Variants in NCBP3 observed in about 807,000 individuals in gnomAD.
The protein encoded by NCBP3 is nuclear cap-binding protein subunit 3.
A neutral mutation model predicts 75.7 loss-of-function variants in NCBP3; 20 were observed. The observed-to-expected ratio is 0.26, with a 90% CI of 0.19 to 0.38. The LOEUF (loss-of-function observed/expected upper bound fraction) is 0.38, where lower values mean the gene tolerates loss of function less well. Among genes scored for constraint, NCBP3 ranks in the 10% least tolerant of loss-of-function variants. The pLI is 1.00. For synonymous variants in NCBP3, 293 were observed against 290.5 expected (o/e 1.01, Z -0.09); for missense variants, 678 against 796.9 (o/e 0.85, Z 1.80).
chr17:3,817,314 TGATTAAAACCCTTCTGG>T (rs1483381230), intron 10 of NCBP3, among the ~76,000 whole-genome samples: 4 of 152,062 alleles, frequency 2.6e-5, no homozygotes, highest in East Asian at 1.9e-4. Flanking sequence ...GTAATGTGAG[TGATTAAAACCCTTCTGG>T]GATTAAAACC....
Position 3,818,359 on chromosome 17 carries a change from T to C in NCBP3, c.1214A>G (p.Asp405Gly), listed in dbSNP as rs2053589473. ...CGTGGAAATCATTTTCAGTTCTAGA[T>C]CATAGTCCATTTCATCTGAGTCTGA... ...SSSDSDEMDY[D>G]LELKMISTPS... is the part of the protein sequence containing the mutation. Residue 405 changes from aspartate (D) to glycine (G), a missense_variant, in exon 10 of 13, where the codon GAT becomes GGT. Physicochemically the swap from Asp to Gly is moderately conservative, Grantham distance 94 (BLOSUM62 -1). Around this residue, in one of 7 missense-constraint regions of NCBP3, gnomAD observed 365 missense variants for 392.7 expected, o/e 0.93. Coordinates refer to ENST00000389005, the MANE Select transcript of NCBP3 (RefSeq NM_001114118.3). The surrounding 1 kb of genome is among the most constrained non-coding windows in gnomAD (Gnocchi z 4.7). The C allele has an allele frequency of 1.2e-6, 2 of 1,614,090 alleles. No homozygotes were observed. Among genetic ancestry groups the C allele is most frequent in the African/African-American group, 1.3e-5 (1 of 74,940 alleles).
At chr17:3,816,010 GC>G (rs1953846187) in intron 11 of NCBP3, 105 bp downstream of exon 11, 1 of 1,090,850 alleles carries the variant, frequency 9.2e-7, no homozygotes. Context: ...AACCAGGACA[GC>G]TAAATCAGTT....
chr17:3,846,006 C>A lies in NCBP3; in HGVS notation c.183+35G>T, dbSNP rs187582868. The A allele has an allele frequency of 4.4e-5, 68 of 1,538,474 alleles. 2 individuals carry two copies. The East Asian group carries it at 1.8e-3, about 40-fold the overall frequency. On this transcript the variant is annotated intron_variant, in intron 1 of 12. Coordinates refer to ENST00000389005, the MANE Select transcript of NCBP3 (RefSeq NM_001114118.3). The surrounding 1 kb of genome is among the most constrained non-coding windows in gnomAD (Gnocchi z 4.6). Reference sequence around the variant, plus strand: ...CCTCCGGCGCTAGACACTAGCCCCGCGACCTCTTCCTTACCCCCCGACCCC... The same window carrying A: ...CCTCCGGCGCTAGACACTAGCCCCGAGACCTCTTCCTTACCCCCCGACCCC...
intron 3 of NCBP3, among the ~76,000 whole-genome samples, chr17:3,833,351 T>C: frequency 6.6e-6 from 1 of 152,212 alleles, no homozygotes; most frequent in East Asian, 1.9e-4. Flanking sequence ...TGACCTCAAG[T>C]GATCTGTCTT....
chr17:3,826,999 G>T (rs983382182), intron 4 of NCBP3, among the ~76,000 whole-genome samples: 12 of 143,636 alleles, frequency 8.4e-5, no homozygotes, highest in Admixed American at 1.5e-4. Flanking sequence ...GCGACAGAGC[G>T]AGACTCTGTC....
At chr17:3,835,010 T>C (rs2053949753) in intron 3 of NCBP3, among the ~76,000 whole-genome samples, 1 of 152,126 alleles carries the variant, frequency 6.6e-6, no homozygotes, top group Non-Finnish European at 1.5e-5. Flanking sequence ...ATAAGACTTA[T>C]GATACTGGAA....
chr17:3,846,170 C>T lies in NCBP3; in HGVS notation c.54G>A (p.Gly18=), dbSNP rs1258048825. The change falls in exon 1 of 13, where the codon GGG becomes GGA. Residue 18 remains glycine, a synonymous_variant. Coordinates refer to ENST00000389005, the MANE Select transcript of NCBP3 (RefSeq NM_001114118.3). The surrounding 1 kb of genome is among the most constrained non-coding windows in gnomAD (Gnocchi z 4.6). ...CAGGGGACGGGAGCCCCAGGGCCGG[C>T]CCCGCCGGGGCCTCCGCCTTCACCG... ...RVSVKAEAPA[G]PALGLPSPEA... 9 of 1,525,460 alleles carry T rather than the reference C, an allele frequency of 5.9e-6. No homozygotes were observed. Among genetic ancestry groups the T allele is most frequent in the Admixed American group, 4.2e-5 (2 of 48,058 alleles). The allele number at this position is 1,525,460 out of a possible 1,614,324, so 94.5% of individuals were successfully genotyped here. A position where few individuals can be genotyped will look rare whatever the true frequency, so the allele number is the denominator to read the frequency against.
Position 3,803,838 on chromosome 17 carries a change from G to C in NCBP3, c.*9206C>G, listed in dbSNP as rs1402741696. The C allele has an allele frequency of 6.6e-6, 1 of 151,880 alleles. No individual in the cohort carries two copies. The highest frequency in any genetic ancestry group is 1.5e-5 in the Non-Finnish European group (1 of 67,932). 9.4% of individuals were successfully genotyped at this position (151,880 alleles called of 1,614,324 possible). ...CGCCTGTAATCCCAGCACTTTGGGA[G>C]GCCGAGGCGGGCGGATCACAAAGTC... is the stretch of plus-strand genomic sequence containing the variant. On this transcript the variant is annotated 3_prime_UTR_variant, in exon 13 of 13. Transcript: ENST00000389005.
Position 3,808,350 on chromosome 17 carries a change from T to C in NCBP3, c.*4694A>G, listed in dbSNP as rs574018510. On this transcript the variant is annotated 3_prime_UTR_variant, in exon 13 of 13. Coordinates refer to ENST00000389005, the MANE Select transcript of NCBP3 (RefSeq NM_001114118.3). ...TTAGATTTCTAAGAGGAATTTTAATTACACTCCATTTTTATCTTAGGCACT... is the reference window on the plus strand; with the variant it reads ...TTAGATTTCTAAGAGGAATTTTAATCACACTCCATTTTTATCTTAGGCACT... 2 of 152,326 alleles carry C rather than the reference T, an allele frequency of 1.3e-5. No homozygotes were observed. Among genetic ancestry groups the C allele is most frequent in the South Asian group, 4.1e-4 (2 of 4,826 alleles). 9.4% of individuals were successfully genotyped at this position (152,326 alleles called of 1,614,324 possible).
rs776426464 is a variant in NCBP3, at chr17:3,821,282, C to T, written c.967G>A (p.Val323Ile). 1.1e-5 allele frequency: 17 copies of T among 1,614,004 alleles called. No homozygotes were observed. Among genetic ancestry groups the T allele is most frequent in the Admixed American group, 1.7e-5 (1 of 60,018 alleles). Residue 323 changes from valine to isoleucine, a missense_variant, in exon 9 of 13, where the codon GTT becomes ATT. By Grantham distance (29) the Val-to-Ile change is conservative. Coordinates refer to ENST00000389005, the MANE Select transcript of NCBP3 (RefSeq NM_001114118.3). ...CGATGTTTATACGACGTCAAGCCAA[C>T]GTCATCCCCAATCAGGGCTCTCTTC... ...IKKRALIGDD[V>I]GLTSYKHRHS...
At chr17:3,841,602 C>CTTTTTTTT (rs373561293) in intron 2 of NCBP3, among the ~76,000 whole-genome samples, 8 of 118,048 alleles carry the variant, frequency 6.8e-5, no homozygotes, top group African/African-American at 2.5e-4. Flanking sequence ...AATTCTCTCT[C>CTTTTTTTT]TTTTTTTTTT....
At position 3,803,821 on chromosome 17, in the gene NCBP3, A is replaced by G. The variant is rs1400819857; in HGVS notation, c.*9223T>C. On this transcript the variant is annotated 3_prime_UTR_variant, in exon 13 of 13. Transcript: ENST00000389005. ...CCAGGCGCGGTGGCTCACGCCTGTAATCCCAGCACTTTGGGAGGCCGAGGC... is the reference window on the plus strand; with the variant it reads ...CCAGGCGCGGTGGCTCACGCCTGTAGTCCCAGCACTTTGGGAGGCCGAGGC... The G allele has an allele frequency of 6.6e-6, 1 of 152,148 alleles. No individual in the cohort carries two copies. The highest frequency in any genetic ancestry group is 1.5e-5 in the Non-Finnish European group (1 of 68,020). The allele number at this position is 152,148 out of a possible 1,614,324, so 9.4% of individuals were successfully genotyped here.
At chr17:3,829,627 G>T (rs533471262) in intron 3 of NCBP3, among the ~76,000 whole-genome samples, 1 of 152,268 alleles carries the variant, frequency 6.6e-6, no homozygotes, top group Admixed American at 6.5e-5. Flanking sequence ...TAAAATACAC[G>T]ATACCTCTCC....
intron 3 of NCBP3, among the ~76,000 whole-genome samples, chr17:3,839,479 C>G (rs1182775959): frequency 1.3e-5 from 2 of 152,248 alleles, no homozygotes; most frequent in Admixed American, 1.3e-4. Flanking sequence ...TCCCGAGTAG[C>G]TGAGATTACA....
rs566391768 is a variant in NCBP3 at position 3,818,633 on chromosome 17, T to A, written c.1001-61A>T. 9.1e-6 allele frequency: 14 copies of A among 1,530,662 alleles called. No homozygotes were observed. The South Asian group carries it at 1.5e-4, about 16-fold the overall frequency. The allele number at this position is 1,530,662 out of a possible 1,614,324, so 94.8% of individuals were successfully genotyped here. A position where few individuals can be genotyped will look rare whatever the true frequency, so the allele number is the denominator to read the frequency against. ...ACTAAAATTAACAAGTATGATTTTC[T>A]ACTCTACATCGGTGACCTTTTTAAA... On this transcript the variant is annotated intron_variant, in intron 9 of 12. Coordinates refer to ENST00000389005, the MANE Select transcript of NCBP3 (RefSeq NM_001114118.3). This position sits in a 1 kb window ranked among gnomAD's most constrained non-coding sequence, Gnocchi z 4.7.
chr17:3,834,212 G>A (rs1389422987), intron 3 of NCBP3, among the ~76,000 whole-genome samples: 1 of 152,102 alleles, frequency 6.6e-6, no homozygotes, highest in Non-Finnish European at 1.5e-5. Context: ...ACTAATGCCA[G>A]TCTACACAGT....
chr17:3,815,971 A>G, intron 11 of NCBP3, 145 bp downstream of exon 11: 1 of 652,874 alleles, frequency 1.5e-6, no homozygotes, highest in Non-Finnish European at 2.4e-6. Flanking sequence ...CTCAATTTCC[A>G]ACACCTAGCC....
chr17:3,824,202 A>G (rs918442029), intron 7 of NCBP3: 2 of 152,156 alleles, frequency 1.3e-5, no homozygotes, highest in Non-Finnish European at 2.9e-5. Context: ...TGATTTTGTT[A>G]AGTGTGCTAT....
intron 7 of NCBP3, 115 bp from the exon 8 acceptor site, chr17:3,822,167 A>G (rs1459701982): frequency 4.2e-6 from 3 of 718,202 alleles, no homozygotes; most frequent in African/African-American, 1.8e-5. Context: ...TTGCCAACAA[A>G]AAGTAAAAAT....
Sources: allele counts gnomAD v4.1 joint callset (sites outside exome capture counted in the v4.1 genomes callset), GRCh38; gene constraint gnomAD v4.1.1; regional missense constraint gnomAD v4.1.1; non-coding constraint Gnocchi (gnomAD v3.1); transcripts MANE v1.5; gene names NCBI Gene and HGNC (gene_info 2026-07-23, HGNC 2026-07-21).